USP9X: variants seen among roughly 807,000 people sequenced by gnomAD.
USP9X encodes the protein ubiquitin specific peptidase 9 X-linked, also known as ubiquitin carboxyl-terminal hydrolase 9X.
Under a neutral mutation model 190.3 loss-of-function variants are expected in USP9X, and 7 were observed. That is an observed-to-expected ratio of 0.04 (90% CI 0.02 to 0.07). The LOEUF (loss-of-function observed/expected upper bound fraction) is 0.07. Ranked by LOEUF, USP9X falls within the 10% of genes least tolerant of loss-of-function variation. The pLI is 1.00. For missense variants in USP9X, 1,010 were observed against 1,916.9 expected (o/e 0.53, Z 8.83); for synonymous variants, 645 against 659.5 (o/e 0.98, Z 0.34).
At chrX:41,229,835 T>G in intron 43 of USP9X, 56 bp downstream of exon 43, 1 of 1,203,314 alleles carries the variant, frequency 8.3e-7, no homozygotes, top group East Asian at 3.0e-5. Context: ...AAAGTAATTC[T>G]TTATTTTATA....
intron 17 of USP9X, 53 bp from the exon 18 acceptor site, chrX:41,167,953 GT>G: frequency 9.3e-7 from 1 of 1,072,333 alleles, no homozygotes. Context: ...TTAATATTTG[GT>G]TTTTACATTT....
intron 21 of USP9X, 140 bp from the exon 22 acceptor site, chrX:41,183,858 G>A: frequency 1.4e-6 from 1 of 693,963 alleles, no homozygotes; most frequent in Non-Finnish European, 1.9e-6. Context: ...TCCAGGTCTT[G>A]TCATGTCTTA....
chrX:41,221,327 GT>G (rs1387948423), intron 38 of USP9X, among the ~76,000 whole-genome samples: 3 of 112,070 alleles, frequency 2.7e-5, no homozygotes, highest in Non-Finnish European at 3.8e-5. Context: ...TTGTGGACCT[GT>G]TTTTATTATG....
At chrX:41,100,206 TC>T (rs1230579562) in intron 1 of USP9X, among the ~76,000 whole-genome samples, 1 of 112,570 alleles carries the variant, frequency 8.9e-6, no homozygotes, top group African/African-American at 3.2e-5. Context: ...TTTGTAAACT[TC>T]TCACAGGTAA....
chrX:41,122,043 T>TA lies in USP9X; in HGVS notation c.-158-1428_-158-1427insA, dbSNP rs201846625. On this transcript the variant is annotated intron_variant, in intron 1 of 44. Transcript: ENST00000378308. ...GATCATCTGACAAATTCAGTTGTAT[T>TA]GGAGTATTATGTAGTTTGAACCCTC... Among the ~76,000 whole-genome samples, 1,078 of 111,117 alleles carry TA rather than the reference T, an allele frequency of 9.7e-3. 16 individuals carry two copies. The highest frequency in any genetic ancestry group is 0.033 in the African/African-American group (1,021 of 30,500).
chrX:41,123,899 C>T (rs1178852145), intron 2 of USP9X, among the ~76,000 whole-genome samples, 175 bp downstream of exon 2: 2 of 110,518 alleles, frequency 1.8e-5, no homozygotes, highest in Non-Finnish European at 3.8e-5. Context: ...AAAAATTAGC[C>T]GGGCGTGGTA....
chrX:41,147,571 A>T (rs1379645011), intron 11 of USP9X, among the ~76,000 whole-genome samples: 1 of 105,222 alleles, frequency 9.5e-6, no homozygotes, highest in African/African-American at 3.5e-5. Context: ...CTCCTGCCTC[A>T]GCCTCCCAAG....
At chrX:41,153,224 C>T (rs1011643920) in intron 14 of USP9X, 143 bp downstream of exon 14, 2 of 559,225 alleles carry the variant, frequency 3.6e-6, no homozygotes, top group Non-Finnish European at 5.0e-6. Context: ...AAACTCTAGG[C>T]CAGCAGTTTA....
intron 1 of USP9X, among the ~76,000 whole-genome samples, chrX:41,099,449 G>T (rs953157337): frequency 3.6e-5 from 4 of 110,717 alleles, no homozygotes; most frequent in Non-Finnish European, 7.6e-5. Context: ...GCAGTAGGTC[G>T]TGTTGCTCTT....
rs755879284 is a variant in USP9X, at chrX:41,141,320, A to G, written c.1050A>G (p.Gly350=). 2.5e-6 allele frequency: 3 copies of G among 1,204,113 alleles called. No individual in the cohort carries two copies. Among genetic ancestry groups the G allele is most frequent in the Non-Finnish European group, 3.4e-6 (3 of 893,015 alleles). ...TATTGCAAATTTCTTCTTTCAATGG[A>G]AAGATGAATGCACTGAATGAAGTTA... ...LRLLQISSFN[G]KMNALNEVNK... The change falls in exon 9 of 45, where the codon GGA becomes GGG. Residue 350 remains glycine, a synonymous_variant. Coordinates refer to ENST00000378308, the MANE Select transcript of USP9X (RefSeq NM_001039591.3).
chrX:41,166,566 TAAAATAGAGGAC>T (rs2062680429), intron 16 of USP9X, among the ~76,000 whole-genome samples: 2 of 112,143 alleles, frequency 1.8e-5, no homozygotes, highest in Admixed American at 1.9e-4. Flanking sequence ...TGTTTAACAC[TAAAATAGAGGAC>T]AGAAGAGAGG....
chrX:41,137,529 T>G (rs925642233), intron 6 of USP9X, among the ~76,000 whole-genome samples: 2 of 111,569 alleles, frequency 1.8e-5, no homozygotes, highest in Non-Finnish European at 1.9e-5. Flanking sequence ...ACTGTACACT[T>G]TAAAAAATTT....
At chrX:41,221,418 T>C (rs1361498957) in intron 38 of USP9X, among the ~76,000 whole-genome samples, 1 of 111,504 alleles carries the variant, frequency 9.0e-6, no homozygotes, top group Non-Finnish European at 1.9e-5. Flanking sequence ...AATATGTTAA[T>C]AGCTATAATA....
At chrX:41,162,982 C>T (rs2062646410) in intron 15 of USP9X, 105 bp downstream of exon 15, 1 of 482,518 alleles carries the variant, frequency 2.1e-6, no homozygotes, top group South Asian at 7.7e-5. Flanking sequence ...TTTCCCAAGT[C>T]CCCAAGTCAT....
intron 15 of USP9X, among the ~76,000 whole-genome samples, chrX:41,165,600 A>G (rs979653391): frequency 8.9e-6 from 1 of 112,060 alleles, no homozygotes; most frequent in Non-Finnish European, 1.9e-5. Context: ...CTAAAGGTTC[A>G]TGGAATGAAT....
At chrX:41,232,001 G>C (rs979840006) in intron 44 of USP9X, among the ~76,000 whole-genome samples, 4 of 111,534 alleles carry the variant, frequency 3.6e-5, no homozygotes, top group Middle Eastern at 4.6e-3. Context: ...TTAGTCAATC[G>C]GATTTAGCAT....
At chrX:41,197,960 G>A (rs908854087) in intron 29 of USP9X, among the ~76,000 whole-genome samples, 1 of 112,006 alleles carries the variant, frequency 8.9e-6, no homozygotes, top group South Asian at 3.7e-4. Flanking sequence ...GTTGCAGTGA[G>A]CTGAGATCGC....
intron 24 of USP9X, 40 bp downstream of exon 24, chrX:41,186,682 C>A (rs1249775199): frequency 8.4e-7 from 1 of 1,190,925 alleles, no homozygotes; most frequent in Non-Finnish European, 1.1e-6. Flanking sequence ...TTTAACTTTC[C>A]TAGGCCCACT....
At chrX:41,100,002 A>G (rs994122788) in intron 1 of USP9X, among the ~76,000 whole-genome samples, 4 of 112,078 alleles carry the variant, frequency 3.6e-5, no homozygotes, top group Non-Finnish European at 7.5e-5. Flanking sequence ...TTGCCCATCA[A>G]TCAGCTTCAA....
Sources: gnomAD v4.1 joint callset for allele counts (sites outside exome capture counted in the v4.1 genomes callset) on GRCh38, gnomAD v4.1.1 for gene constraint, MANE v1.5 for transcripts, NCBI Gene and HGNC (gene_info 2026-07-23, HGNC 2026-07-21) for gene names.